QRSL1: variants seen among roughly 807,000 people sequenced by gnomAD.
The protein encoded by QRSL1 is glutamyl-tRNA(Gln) amidotransferase subunit A, mitochondrial.
QRSL1 carries 54 observed loss-of-function variants against 61.6 expected under a neutral mutation model. The observed-to-expected ratio is 0.88, with a 90% CI of 0.70 to 1.10. The LOEUF is 1.10. Among genes scored for constraint, QRSL1 ranks in the 50% least tolerant of loss-of-function variants. QRSL1 has a pLI of 0.00. For synonymous variants in QRSL1, 228 were observed against 225.7 expected (o/e 1.01, Z -0.09); for missense variants, 505 against 622.6 (o/e 0.81, Z 2.01).
At chr6:106,647,878 C>A (rs1407466305) in intron 4 of QRSL1, among the ~76,000 whole-genome samples, 2 of 150,704 alleles carry the variant, frequency 1.3e-5, no homozygotes, top group Non-Finnish European at 3.0e-5. Flanking sequence ...TCTCGATCTC[C>A]TGACCTCGTG....
chr6:106,655,576 C>A, intron 8 of QRSL1, 39 bp from the exon 9 acceptor site: 28 of 1,178,730 alleles, frequency 2.4e-5, no homozygotes, highest in Admixed American at 3.5e-5. Flanking sequence ...ACTGACTTTA[C>A]TTCCTTTCAA....
intron 1 of QRSL1, among the ~76,000 whole-genome samples, chr6:106,635,560 A>G (rs960625874): frequency 6.6e-6 from 1 of 152,134 alleles, no homozygotes; most frequent in Non-Finnish European, 1.5e-5. Context: ...AGCACTTACC[A>G]AGGCAAACTT....
intron 1 of QRSL1, among the ~76,000 whole-genome samples, chr6:106,639,119 GTTTTTTTTTTTT>G (rs1177849683): frequency 8.1e-6 from 1 of 122,798 alleles, no homozygotes; most frequent in Non-Finnish European, 1.6e-5. Context: ...GTGTTTTGTT[GTTTTTTTTTTTT>G]TTTTTTTTTT....
chr6:106,642,643 C>T lies in QRSL1; in HGVS notation c.284-351C>T, dbSNP rs1021530361. 4.4e-5 allele frequency: 34 copies of T among 781,360 alleles called. No individual in the cohort carries two copies. In the African/African-American group the frequency reaches 5.6e-4, roughly 13 times the overall value. 48.4% of individuals were successfully genotyped at this position (781,360 alleles called of 1,614,324 possible). On this transcript the variant is annotated intron_variant, in intron 3 of 10. Transcript: ENST00000369046. The stretch of plus-strand genomic sequence containing the variant: ...GTTACCATGGCAAAACTGGAGAGTA[C>T]ACAGTGTTCCCCAGCATGCTGTTGG...
chr6:106,638,776 C>A (rs898325527), intron 1 of QRSL1, among the ~76,000 whole-genome samples: 1 of 152,164 alleles, frequency 6.6e-6, no homozygotes, highest in Admixed American at 6.5e-5. Flanking sequence ...TCTTGATGAC[C>A]TCTTCCCACT....
chr6:106,652,158 T>A (rs745738605), intron 5 of QRSL1, 51 bp from the exon 6 acceptor site: 1 of 1,500,154 alleles, frequency 6.7e-7, no homozygotes, highest in African/African-American at 1.4e-5. Flanking sequence ...AGATTCCAAA[T>A]ATAATTAGAG....
At chr6:106,642,890 G>T in intron 3 of QRSL1, 104 bp from the exon 4 acceptor site, 1 of 864,184 alleles carries the variant, frequency 1.2e-6, no homozygotes. Context: ...GAAGGCTCCT[G>T]AGCTGTTGGA....
In QRSL1 at chr6:106,652,572, G is replaced by A; in HGVS notation, c.839G>A (p.Gly280Glu). The stretch of plus-strand genomic sequence containing the variant: ...GCAGATGTGAGCAAACTATGTATAG[G>A]AATTCCAAAGGTAACTTTTTCCTTT... Reference protein sequence around the residue: ...SLADVSKLCIGIPKEYLVPEL... With the variant: ...SLADVSKLCIEIPKEYLVPEL... Residue 280 changes from glycine (G) to glutamate (E), a missense_variant, in exon 7 of 11, where the codon GGA (glycine) becomes GAA (glutamate). Gly to Glu is a moderately conservative substitution (Grantham distance 98). Transcript: ENST00000369046. The A allele has an allele frequency of 6.2e-7, 1 of 1,614,108 alleles. No individual in the cohort carries two copies. Among genetic ancestry groups the A allele is most frequent in the African/African-American group, 1.3e-5 (1 of 75,020 alleles).
At chr6:106,651,361 G>A (rs1238499342) in intron 5 of QRSL1, among the ~76,000 whole-genome samples, 1 of 151,982 alleles carries the variant, frequency 6.6e-6, no homozygotes, top group African/African-American at 2.4e-5. Context: ...AAACTTTTTG[G>A]TTATCACACT....
At chr6:106,640,551 A>C (rs767095185) in intron 2 of QRSL1, 43 bp downstream of exon 2, 19 of 1,458,038 alleles carry the variant, frequency 1.3e-5, no homozygotes, top group Non-Finnish European at 1.7e-5. Context: ...ATCTCCAGAG[A>C]AGTTTAATTG....
In QRSL1 at chr6:106,655,803, T is replaced by G. The variant is rs529870912; in HGVS notation, c.1160+71T>G. ...GTAACATGTCTCTTATCAGGTCTTA[T>G]AAGTCAAGGTATTTAGTAAAGAAAC... is the stretch of plus-strand genomic sequence containing the variant. On this transcript the variant is annotated intron_variant, in intron 9 of 10. Transcript: ENST00000369046. 7.5e-6 allele frequency: 7 copies of G among 939,496 alleles called. No homozygotes were observed. The South Asian group carries it at 9.6e-5, about 13-fold the overall frequency. The allele number at this position is 939,496 out of a possible 1,614,324, so 58.2% of individuals were successfully genotyped here.
At chr6:106,649,296 T>G in intron 5 of QRSL1, 95 bp downstream of exon 5, 1 of 1,321,792 alleles carries the variant, frequency 7.6e-7, no homozygotes. Flanking sequence ...ATCCTGGTAT[T>G]TTTCTTTCTA....
At chr6:106,640,610 G>T in intron 2 of QRSL1, 102 bp downstream of exon 2, 1 of 1,159,976 alleles carries the variant, frequency 8.6e-7, no homozygotes. Flanking sequence ...ATAAACCATA[G>T]CCTTATTTAA....
chr6:106,657,268 C>CA (rs199749392), intron 9 of QRSL1, among the ~76,000 whole-genome samples: 4,819 of 122,378 alleles, frequency 0.039, 251 homozygotes, highest in East Asian at 0.21. Context: ...AACTCCATCT[C>CA]AAAAAAAAAA....
intron 9 of QRSL1, among the ~76,000 whole-genome samples, chr6:106,661,596 T>C (rs548928258): frequency 1.3e-5 from 2 of 152,096 alleles, no homozygotes; most frequent in East Asian, 3.9e-4. Flanking sequence ...TTCACGTTTT[T>C]ATCGTATTTT....
intron 1 of QRSL1, among the ~76,000 whole-genome samples, chr6:106,639,745 G>T (rs1016288431): frequency 5.3e-5 from 8 of 151,972 alleles, no homozygotes; most frequent in African/African-American, 1.9e-4. Flanking sequence ...CACTTTCGGT[G>T]CAGTTTTTTT....
rs1204655311 is a variant in QRSL1, at chr6:106,666,828, A to G, written c.*826A>G. On this transcript the variant is annotated 3_prime_UTR_variant, in exon 11 of 11. Coordinates refer to ENST00000369046, the MANE Select transcript of QRSL1 (RefSeq NM_018292.5). Reference sequence around the variant, plus strand: ...AACTTTGAGCACAGGAGGAAATGCAACCAGTCAGGGCCCAGAATCATGCAA... The same window carrying G: ...AACTTTGAGCACAGGAGGAAATGCAGCCAGTCAGGGCCCAGAATCATGCAA... The G allele has an allele frequency of 1.3e-5, 2 of 152,262 alleles. No individual in the cohort carries two copies. The highest frequency in any genetic ancestry group is 2.9e-5 in the Non-Finnish European group (2 of 68,078). 9.4% of individuals were successfully genotyped at this position (152,262 alleles called of 1,614,324 possible). A position where few individuals can be genotyped will look rare whatever the true frequency, so the allele number is the denominator to read the frequency against.
At chr6:106,641,433 A>G (rs1777018284) in intron 3 of QRSL1, among the ~76,000 whole-genome samples, 1 of 152,218 alleles carries the variant, frequency 6.6e-6, no homozygotes, top group African/African-American at 2.4e-5. Flanking sequence ...ATTAACATCT[A>G]CTGACCAGTT....
At position 106,654,722 on chromosome 6, in the gene QRSL1, G is replaced by A. The variant is rs760638593; in HGVS notation, c.850-8G>A. 2 of 1,596,330 alleles carry A rather than the reference G, an allele frequency of 1.3e-6. No individual in the cohort carries two copies. The highest frequency in any genetic ancestry group is 2.3e-5 in the South Asian group (2 of 87,960). ...TTCCAATTTTGTATCTTGACTTTTT[G>A]CTATAAGGAATATCTTGTACCGGAA... On this transcript the variant is annotated splice_region_variant and splice_polypyrimidine_tract_variant and intron_variant, in intron 7 of 10. Transcript: ENST00000369046.
Sources: allele counts gnomAD v4.1 joint callset (sites outside exome capture counted in the v4.1 genomes callset), GRCh38; gene constraint gnomAD v4.1.1; transcripts MANE v1.5; gene names NCBI Gene and HGNC (gene_info 2026-07-23, HGNC 2026-07-21).